RBFOX1: variants seen among roughly 807,000 people sequenced by gnomAD.
The protein encoded by RBFOX1 is RNA binding protein fox-1 homolog 1.
A neutral mutation model predicts 57.7 loss-of-function variants in RBFOX1; 8 were observed. The ratio of observed to expected loss-of-function variants is 0.14; its 90% CI spans 0.08 to 0.25. The LOEUF (loss-of-function observed/expected upper bound fraction) is 0.25. RBFOX1 is among the 10% of genes least tolerant of loss of function. The pLI, the probability that RBFOX1 is intolerant of heterozygous loss-of-function variation, is 1.00. For missense variants in RBFOX1, 611 were observed against 548.5 expected (o/e 1.11, Z -1.14); for synonymous variants, 326 against 222.4 (o/e 1.47, Z -4.15).
At chr16:7,222,040 T>G (rs1281906790) in intron 4 of RBFOX1, among the ~76,000 whole-genome samples, 3 of 152,220 alleles carry the variant, frequency 2.0e-5, no homozygotes, top group African/African-American at 7.2e-5. Context: ...ACTTAAAATT[T>G]TTCCGTGAAG....
chr16:5,883,552 A>G (rs942368426), intron 4 of RBFOX1, among the ~76,000 whole-genome samples: 1 of 152,002 alleles, frequency 6.6e-6, no homozygotes, highest in Non-Finnish European at 1.5e-5. Flanking sequence ...GACTGCTCTA[A>G]TTGTTTTGAG....
At chr16:6,149,246 G>T (rs1347457839) in intron 1 of RBFOX1, among the ~76,000 whole-genome samples, 1 of 152,176 alleles carries the variant, frequency 6.6e-6, no homozygotes, top group Non-Finnish European at 1.5e-5. Flanking sequence ...GATGTGTGTG[G>T]CTGCTTGTGT....
intron 2 of RBFOX1, among the ~76,000 whole-genome samples, chr16:5,551,423 C>G (rs1416674215): frequency 1.3e-5 from 2 of 152,220 alleles, no homozygotes; most frequent in Non-Finnish European, 2.9e-5. Flanking sequence ...CAGGGCGATT[C>G]CAACAAGCAT....
chr16:6,635,320 A>G lies in RBFOX1; in HGVS notation c.-63-19283A>G, dbSNP rs181543400. Among the ~76,000 whole-genome samples the G allele has an allele frequency of 1.6e-4, 25 of 152,148 alleles. 1 individual carries two copies. The South Asian group carries it at 2.7e-3, about 16-fold the overall frequency. ...TCTCTGAGTAGCTGATAACTTCATG[A>G]AAAAGTCAGATATTGTATAAAATGC... On this transcript the variant is annotated intron_variant, in intron 2 of 15. Transcript: ENST00000550418.
chr16:6,553,240 A>G (rs1000036293), intron 2 of RBFOX1, among the ~76,000 whole-genome samples: 1 of 152,210 alleles, frequency 6.6e-6, no homozygotes, highest in African/African-American at 2.4e-5. Flanking sequence ...AAGAAGGGTC[A>G]TCACTATAAA....
At chr16:6,197,305 A>C (rs530093068) in intron 1 of RBFOX1, among the ~76,000 whole-genome samples, 2 of 151,990 alleles carry the variant, frequency 1.3e-5, no homozygotes, top group African/African-American at 4.8e-5. Flanking sequence ...CTCATATTTT[A>C]TCATCCGTAT....
intron 2 of RBFOX1, among the ~76,000 whole-genome samples, chr16:6,636,875 TTAATA>T (rs1432616291): frequency 2.3e-5 from 3 of 131,476 alleles, no homozygotes; most frequent in Non-Finnish European, 4.7e-5. Flanking sequence ...TATTATATGT[TTAATA>T]TATTTATATG....
At chr16:5,355,427 C>G (rs780476478) in intron 1 of RBFOX1, among the ~76,000 whole-genome samples, 3 of 152,136 alleles carry the variant, frequency 2.0e-5, no homozygotes, top group Non-Finnish European at 2.9e-5. Flanking sequence ...AAGGAGACCT[C>G]TTGATGTAAG....
intron 3 of RBFOX1, among the ~76,000 whole-genome samples, chr16:6,850,712 G>A (rs185284284): frequency 8.5e-5 from 13 of 152,154 alleles, no homozygotes; most frequent in African/African-American, 1.9e-4. Context: ...TCAATTTGTT[G>A]GCTAAAATAA....
At chr16:6,647,962 C>T (rs1217482499) in intron 2 of RBFOX1, among the ~76,000 whole-genome samples, 1 of 152,122 alleles carries the variant, frequency 6.6e-6, no homozygotes, top group Admixed American at 6.6e-5. Context: ...GTGCGTCAGC[C>T]TCTCTAGTAG....
At chr16:7,289,470 C>G in intron 4 of RBFOX1, among the ~76,000 whole-genome samples, 1 of 152,132 alleles carries the variant, frequency 6.6e-6, no homozygotes, top group Admixed American at 6.5e-5. Flanking sequence ...GCATCACTGT[C>G]ACCACCATTA....
intron 2 of RBFOX1, among the ~76,000 whole-genome samples, chr16:6,502,994 A>G (rs2095982235): frequency 2.0e-5 from 3 of 152,176 alleles, no homozygotes; most frequent in African/African-American, 7.2e-5. Context: ...CTGAGATATT[A>G]ATGTATAGAT....
chr16:6,802,545 T>C (rs919505674), intron 3 of RBFOX1, among the ~76,000 whole-genome samples: 2 of 152,086 alleles, frequency 1.3e-5, no homozygotes, highest in Non-Finnish European at 2.9e-5. Context: ...GGCATGGTGG[T>C]GCACACCTGT....
In RBFOX1 at chr16:5,717,659, G is replaced by C. The variant is rs529753052; in HGVS notation, c.318+118698G>C. ...GAATAACTTAGAATAATGTCCTCCA[G>C]CTCCATCCAAGTTGCTGCAAAGGCC... On this transcript the variant is annotated intron_variant, in intron 3 of 19. Transcript: ENST00000641259. 7.2e-5 allele frequency among the ~76,000 whole-genome samples: 11 copies of C among 152,222 alleles called. No homozygotes were observed. In the East Asian group the frequency reaches 2.1e-3, roughly 29 times the overall value.
At chr16:6,023,160 C>G (rs1283310268) in intron 1 of RBFOX1, among the ~76,000 whole-genome samples, 2 of 152,082 alleles carry the variant, frequency 1.3e-5, no homozygotes, top group Admixed American at 6.6e-5. Context: ...CACCCTGAAG[C>G]TACAGAGTTT....
rs543361535 is a variant in RBFOX1 at position 6,121,812 on chromosome 16, G to T, written c.-127+101820G>T. 2.0e-5 allele frequency among the ~76,000 whole-genome samples: 3 copies of T among 152,280 alleles called. No homozygotes were observed. The South Asian group carries it at 6.2e-4, about 32-fold the overall frequency. On this transcript the variant is annotated intron_variant, in intron 1 of 15. Transcript: ENST00000550418. ...TCTGTAAAAGAAGGAATAACTAATG[G>T]TACCTATCTTTAAAGGATGACTGTG...
In RBFOX1 at chr16:5,635,848, A is replaced by G. The variant is rs2048666880; in HGVS notation, c.318+36887A>G. On this transcript the variant is annotated intron_variant, in intron 3 of 19. Coordinates refer to the RBFOX1 transcript ENST00000641259. Reference sequence around the variant, plus strand: ...TTATCCTATTTGATTTCTATCATGCATTCCATTCATTTTTCGTGTTATAGA... The same window carrying G: ...TTATCCTATTTGATTTCTATCATGCGTTCCATTCATTTTTCGTGTTATAGA... Among the ~76,000 whole-genome samples the G allele has an allele frequency of 2.0e-5, 3 of 152,198 alleles. No individual in the cohort carries two copies. In the South Asian group the frequency reaches 6.2e-4, roughly 32 times the overall value.
In RBFOX1 at chr16:6,897,426, C is replaced by T. The variant is rs2067214729; in HGVS notation, c.-15-154631C>T. Reference sequence around the variant, plus strand: ...ACACACACACAAAAGGAAACATTTGCATTGACTGGGGCATGTCCTGACACA... The same window carrying T: ...ACACACACACAAAAGGAAACATTTGTATTGACTGGGGCATGTCCTGACACA... On this transcript the variant is annotated intron_variant, in intron 3 of 15. Transcript: ENST00000550418. Among the ~76,000 whole-genome samples, 3 of 152,188 alleles carry T rather than the reference C, an allele frequency of 2.0e-5. 1 individual carries two copies. Among genetic ancestry groups the T allele is most frequent in the Middle Eastern group, 6.8e-3 (2 of 292 alleles).
At chr16:6,020,727 C>T (rs1056110303) in intron 1 of RBFOX1, among the ~76,000 whole-genome samples, 1 of 152,134 alleles carries the variant, frequency 6.6e-6, no homozygotes, top group Non-Finnish European at 1.5e-5. Flanking sequence ...TCCAATCAAC[C>T]AATTGTCCAG....
Sources: allele counts gnomAD v4.1 joint callset (sites outside exome capture counted in the v4.1 genomes callset), GRCh38; gene constraint gnomAD v4.1.1; transcripts MANE v1.5; gene names NCBI Gene and HGNC (gene_info 2026-07-23, HGNC 2026-07-21).